DIP2C: variants seen among roughly 807,000 people sequenced by gnomAD.
The protein encoded by DIP2C is disco-interacting protein 2 homolog C.
A neutral mutation model predicts 192.4 loss-of-function variants in DIP2C; 33 were observed. That is an observed-to-expected ratio of 0.17 (90% CI 0.13 to 0.23). DIP2C has a LOEUF of 0.23. Ranked by LOEUF, DIP2C falls within the 10% of genes least tolerant of loss-of-function variation. The pLI is 1.00. For synonymous variants in DIP2C, 979 were observed against 864.1 expected (o/e 1.13, Z -2.33); for missense variants, 1,537 against 2,110.1 (o/e 0.73, Z 5.32).
intron 1 of DIP2C, among the ~76,000 whole-genome samples, chr10:530,170 T>TC (rs1252233611): frequency 7.2e-5 from 11 of 152,288 alleles, no homozygotes; most frequent in Non-Finnish European, 1.3e-4. Flanking sequence ...CGACTTTGCT[T>TC]CCCGTGAGGA....
chr10:310,108 G>A lies in DIP2C; in HGVS notation c.3925-16C>T, dbSNP rs1387243271. On this transcript the variant is annotated splice_polypyrimidine_tract_variant and intron_variant, in intron 31 of 36. Transcript: ENST00000280886. ...CTGAGGTTCCCTGCAAGCAACAACA[G>A]AGTGGTTAACTCAAGTTTACATGGA... is the stretch of plus-strand genomic sequence containing the variant. 1 of 1,612,692 alleles carries A rather than the reference G, an allele frequency of 6.2e-7. No individual in the cohort carries two copies. The highest frequency in any genetic ancestry group is 1.1e-5 in the South Asian group (1 of 91,048).
At chr10:572,675 A>C (rs1208682905) in intron 1 of DIP2C, among the ~76,000 whole-genome samples, 1 of 152,194 alleles carries the variant, frequency 6.6e-6, no homozygotes, top group Non-Finnish European at 1.5e-5. Context: ...CAAGGACAAA[A>C]CTTCTCCATA....
rs370109619 is a variant in DIP2C, at chr10:523,260, C to T, written c.86-36730G>A. 3.4e-5 allele frequency among the ~76,000 whole-genome samples: 5 copies of T among 146,322 alleles called. No homozygotes were observed. In the East Asian group the frequency reaches 6.2e-4, roughly 18 times the overall value. On this transcript the variant is annotated intron_variant, in intron 1 of 36. Coordinates refer to ENST00000280886, the MANE Select transcript of DIP2C (RefSeq NM_014974.3). ...AGGGACTGTGTATGACCCACACACT[C>T]GTTTCCACCTGAGCAAAGGACCCTG... is the stretch of plus-strand genomic sequence containing the variant.
intron 8 of DIP2C, among the ~76,000 whole-genome samples, chr10:413,515 C>A (rs528216738): frequency 6.6e-6 from 1 of 152,266 alleles, no homozygotes; most frequent in East Asian, 1.9e-4. Flanking sequence ...GGTTTTAACT[C>A]AAAAAATATT....
intron 1 of DIP2C, among the ~76,000 whole-genome samples, chr10:660,194 T>C (rs1225615347): frequency 6.6e-6 from 1 of 151,940 alleles, no homozygotes; most frequent in Non-Finnish European, 1.5e-5. Context: ...TCAAGCTCTG[T>C]GTATGAAACA....
chr10:624,454 G>A (rs1171391236), intron 1 of DIP2C, among the ~76,000 whole-genome samples: 2 of 152,196 alleles, frequency 1.3e-5, no homozygotes, highest in South Asian at 2.1e-4. Flanking sequence ...TCCACATCCA[G>A]GCTTTTGTGC....
intron 1 of DIP2C, among the ~76,000 whole-genome samples, chr10:520,877 T>A (rs544529510): frequency 6.6e-6 from 1 of 152,270 alleles, no homozygotes; most frequent in African/African-American, 2.4e-5. Context: ...TTTTTATATA[T>A]GTTTTAATCA....
At position 337,013 on chromosome 10, in the gene DIP2C, GT is replaced by G. The variant is rs1564574529; in HGVS notation, c.3584+4185del. ...GTGTGTTGTGGAGGCCTAGGCAGCT[GT>G]GTGTGTGTGTGTGTGTGTTGTGGAG... On this transcript the variant is annotated intron_variant, in intron 29 of 36. Coordinates refer to ENST00000280886, the MANE Select transcript of DIP2C (RefSeq NM_014974.3). 7.1e-4 allele frequency among the ~76,000 whole-genome samples: 38 copies of G among 53,630 alleles called. 2 individuals are homozygous for G. The highest frequency in any genetic ancestry group is 3.5e-3 in the East Asian group (5 of 1,412). The allele number at this position is 53,630 out of a possible 152,430, so 35.2% of individuals were successfully genotyped here. A position where few individuals can be genotyped will look rare whatever the true frequency, so the allele number is the denominator to read the frequency against.
intron 3 of DIP2C, among the ~76,000 whole-genome samples, chr10:449,944 T>C (rs1300547324): frequency 2.1e-5 from 3 of 145,030 alleles, no homozygotes; most frequent in Non-Finnish European, 3.0e-5. Context: ...AAAGAAAATC[T>C]GAGAACAAGA....
At chr10:329,234 ACTGT>A (rs1361334535) in intron 30 of DIP2C, among the ~76,000 whole-genome samples, 195 bp downstream of exon 30, 1 of 152,262 alleles carries the variant, frequency 6.6e-6, no homozygotes, top group Non-Finnish European at 1.5e-5. Flanking sequence ...CTGGTTCGTT[ACTGT>A]CTGTGGTCGT....
At chr10:447,620 T>C (rs1231596557) in intron 3 of DIP2C, among the ~76,000 whole-genome samples, 112 of 86,642 alleles carry the variant, frequency 1.3e-3, no homozygotes, top group Middle Eastern at 0.022. Flanking sequence ...CACTCATCCC[T>C]GTCTATACTC....
At chr10:672,468 C>T (rs1267270138) in intron 1 of DIP2C, among the ~76,000 whole-genome samples, 5 of 152,234 alleles carry the variant, frequency 3.3e-5, no homozygotes, top group Non-Finnish European at 5.9e-5. Flanking sequence ...TGCCGCCCAC[C>T]CCAGAGGCGA....
At chr10:285,851 C>T (rs1955092499) in intron 34 of DIP2C, among the ~76,000 whole-genome samples, 1 of 152,240 alleles carries the variant, frequency 6.6e-6, no homozygotes. Context: ...GAAATAAACA[C>T]ATGATCTCTT....
intron 1 of DIP2C, among the ~76,000 whole-genome samples, chr10:540,478 G>T (rs990688407): frequency 1.3e-5 from 2 of 152,184 alleles, no homozygotes; most frequent in African/African-American, 4.8e-5. Context: ...CAAATCTCAA[G>T]ACAGTCTTGA....
chr10:433,203 A>G (rs751065663), intron 4 of DIP2C, among the ~76,000 whole-genome samples: 1 of 152,242 alleles, frequency 6.6e-6, no homozygotes, highest in African/African-American at 2.4e-5. Context: ...AAAGTCTCCA[A>G]CTATAATACT....
chr10:678,155 G>T (rs1376225641), intron 1 of DIP2C, among the ~76,000 whole-genome samples: 1 of 152,162 alleles, frequency 6.6e-6, no homozygotes, highest in Non-Finnish European at 1.5e-5. Flanking sequence ...GACATTTGGG[G>T]AGTCCCTACA....
At chr10:508,059 G>C (rs1328021284) in intron 1 of DIP2C, among the ~76,000 whole-genome samples, 1 of 152,092 alleles carries the variant, frequency 6.6e-6, no homozygotes, top group African/African-American at 2.4e-5. Context: ...CCCTTTCCAA[G>C]CACAGAGCAG....
intron 1 of DIP2C, among the ~76,000 whole-genome samples, chr10:595,449 T>C (rs1451435458): frequency 6.6e-6 from 1 of 152,180 alleles, no homozygotes; most frequent in Non-Finnish European, 1.5e-5. Context: ...TCTCAATATG[T>C]GTTTCCAGAC....
At chr10:410,328 T>G (rs186445710) in intron 8 of DIP2C, among the ~76,000 whole-genome samples, 1 of 152,246 alleles carries the variant, frequency 6.6e-6, no homozygotes, top group Non-Finnish European at 1.5e-5. Flanking sequence ...AGTTACGGTG[T>G]GCATTCTAGC....
Sources: gnomAD v4.1 joint callset for allele counts (sites outside exome capture counted in the v4.1 genomes callset) on GRCh38, gnomAD v4.1.1 for gene constraint, MANE v1.5 for transcripts, NCBI Gene and HGNC (gene_info 2026-07-23, HGNC 2026-07-21) for gene names.